Variants in RUBCNL observed in about 807,000 individuals in gnomAD.
RUBCNL encodes the protein protein associated with UVRAG as autophagy enhancer.
Under a neutral mutation model 69.5 loss-of-function variants are expected in RUBCNL, and 62 were observed. That is an observed-to-expected ratio of 0.89 (90% CI 0.73 to 1.10). RUBCNL has a LOEUF of 1.10. Ranked by LOEUF, RUBCNL falls within the 50% of genes least tolerant of loss-of-function variation. The pLI is 0.00. For missense variants in RUBCNL, 768 were observed against 798.1 expected (o/e 0.96, Z 0.45); for synonymous variants, 291 against 303.6 (o/e 0.96, Z 0.43).
chr13:46,353,760 G>C (rs987125294), intron 10 of RUBCNL, among the ~76,000 whole-genome samples: 2 of 152,250 alleles, frequency 1.3e-5, no homozygotes, highest in East Asian at 3.8e-4. Context: ...TTCTAGAACA[G>C]AGATGTCCGG....
chr13:46,367,894 A>AAGT, intron 5 of RUBCNL, 148 bp downstream of exon 5: 1 of 726,504 alleles, frequency 1.4e-6, no homozygotes, highest in Non-Finnish European at 2.3e-6. Flanking sequence ...AACAAAAAAA[A>AAGT]AGTAGTGTAT....
chr13:46,363,214 C>T lies in RUBCNL; in HGVS notation c.827-1G>A, dbSNP rs2048672637. ...GGGCTGACCTGTAACACAGCACAAC[C>T]TAGACAAAGAAAGGAAGGAGGTTTT... On this transcript the variant is annotated splice_acceptor_variant, in intron 5 of 14. Coordinates refer to ENST00000429979, the MANE Select transcript of RUBCNL (RefSeq NM_025113.5). LOFTEE classifies it high-confidence loss of function. 6.7e-7 allele frequency: 1 copy of T among 1,489,568 alleles called. No individual in the cohort carries two copies. Among genetic ancestry groups the T allele is most frequent in the Non-Finnish European group, 9.0e-7 (1 of 1,112,978 alleles). 92.3% of individuals were successfully genotyped at this position (1,489,568 alleles called of 1,614,324 possible). A position where few individuals can be genotyped will look rare whatever the true frequency, so the allele number is the denominator to read the frequency against.
rs1289772554 is a variant in RUBCNL, at chr13:46,368,233, T to G, written c.635A>C (p.Tyr212Ser). Residue 212 changes from tyrosine (Y) to serine (S), a missense_variant, in exon 5 of 15, where the codon TAT (tyrosine) becomes TCT (serine). Tyr to Ser is a moderately radical substitution (Grantham distance 144). Transcript: ENST00000429979. ...TGCTGATATAATCATATCTGCAACATAAAAGTGGGCATTTTCCTGCAGAAA... is the reference window on the plus strand; with the variant it reads ...TGCTGATATAATCATATCTGCAACAGAAAAGTGGGCATTTTCCTGCAGAAA... ...VDVEKENAHF[Y>S]VADMIISAME... The G allele has an allele frequency of 1.2e-6, 2 of 1,613,214 alleles. No individual in the cohort carries two copies. Among genetic ancestry groups the G allele is most frequent in the East Asian group, 2.2e-5 (1 of 44,868 alleles).
Position 46,345,515 on chromosome 13 carries a change from T to C in RUBCNL, c.1717A>G (p.Lys573Glu). 1 of 1,610,514 alleles carries C rather than the reference T, an allele frequency of 6.2e-7. No individual in the cohort carries two copies. The highest frequency in any genetic ancestry group is 1.1e-5 in the South Asian group (1 of 90,162). Residue 573 changes from lysine (K) to glutamate (E), a missense_variant, in exon 13 of 15, where the codon AAA becomes GAA. Transcript: ENST00000429979. ...TTGAGTAAGGGTGCCAGCAGCCCTT[T>C]CTTGATCCTGACCAGGTCCTCAAGG... ...FSLEDLVRIK[K>E]GLLAPLLKDI...
chr13:46,363,745 C>T (rs1245111919), intron 5 of RUBCNL, among the ~76,000 whole-genome samples: 5 of 151,694 alleles, frequency 3.3e-5, no homozygotes, highest in Admixed American at 2.0e-4. Context: ...CCTGTAGTCC[C>T]AGCTGCTCAA....
At chr13:46,380,966 G>C (rs1443917140) in intron 1 of RUBCNL, among the ~76,000 whole-genome samples, 8 of 152,100 alleles carry the variant, frequency 5.3e-5, no homozygotes, top group African/African-American at 1.9e-4. Flanking sequence ...TTTACCCAAA[G>C]TAAAGGTAGG....
At chr13:46,388,214 A>AAC (rs1437769649), upstream of RUBCNL, among the ~76,000 whole-genome samples, 1 of 149,138 alleles carries the variant, frequency 6.7e-6, no homozygotes, top group Non-Finnish European at 1.5e-5. Context: ...AAAAAAAAAA[A>AAC]AAAAAACAGA....
At position 46,343,289 on chromosome 13, in the gene RUBCNL, A is replaced by G. The variant is rs977135824; in HGVS notation, c.*96T>C. The G allele has an allele frequency of 6.5e-7, 1 of 1,537,684 alleles. No homozygotes were observed. Among genetic ancestry groups the G allele is most frequent in the South Asian group, 1.2e-5 (1 of 83,970 alleles). ...TAGACCATCTTTTTCCTTAATATACAATACCCAATATCTAAAACAATGTCA... is the reference window on the plus strand; with the variant it reads ...TAGACCATCTTTTTCCTTAATATACGATACCCAATATCTAAAACAATGTCA... On this transcript the variant is annotated 3_prime_UTR_variant, in exon 15 of 15. Transcript: ENST00000429979.
rs78360601 is a variant in RUBCNL, at chr13:46,346,818, A to G, written c.1632-1218T>C. On this transcript the variant is annotated intron_variant, in intron 12 of 14. Coordinates refer to ENST00000429979, the MANE Select transcript of RUBCNL (RefSeq NM_025113.5). Reference sequence around the variant, plus strand: ...AAAACTCTATAATTCCACCAAGTACAATAAACAATCTTAACTTCCTTGAGC... The same window carrying G: ...AAAACTCTATAATTCCACCAAGTACGATAAACAATCTTAACTTCCTTGAGC... Among the ~76,000 whole-genome samples, 328 of 152,352 alleles carry G rather than the reference A, an allele frequency of 2.2e-3. 5 individuals carry two copies. The highest frequency in any genetic ancestry group is 0.016 in the Admixed American group (248 of 15,302).
At chr13:46,385,419 C>A in intron 1 of RUBCNL, 1 of 194,844 alleles carries the variant, frequency 5.1e-6, no homozygotes, top group Non-Finnish European at 9.3e-6. Context: ...ACATACTTAT[C>A]CAAGAACTGC....
intron 1 of RUBCNL, chr13:46,385,385 C>T (rs373420899): frequency 2.8e-6 from 1 of 359,740 alleles, no homozygotes; most frequent in African/African-American, 2.2e-5. Context: ...AATATTACTA[C>T]ACTTATAGTC....
At chr13:46,389,705 G>A (rs1416102727), upstream of RUBCNL, 2 of 152,220 alleles carry the variant, frequency 1.3e-5, no homozygotes, top group East Asian at 1.9e-4. This position sits in a 1 kb window ranked among gnomAD's most constrained non-coding sequence, Gnocchi z 4.2. Context: ...ACAGACGCAG[G>A]AGGTTCACAT....
intron 10 of RUBCNL, among the ~76,000 whole-genome samples, chr13:46,352,290 C>T (rs2048386223): frequency 1.3e-5 from 2 of 152,222 alleles, no homozygotes; most frequent in South Asian, 4.1e-4. Context: ...CTTCTATGTG[C>T]CCCTCCCTCA....
chr13:46,351,561 G>A (rs189893066), intron 10 of RUBCNL, among the ~76,000 whole-genome samples: 1 of 152,244 alleles, frequency 6.6e-6, no homozygotes, highest in African/African-American at 2.4e-5. Context: ...TATAATGGGG[G>A]TGGCAGCCAA....
chr13:46,355,082 C>G (rs1023011179), intron 10 of RUBCNL, among the ~76,000 whole-genome samples: 1 of 152,190 alleles, frequency 6.6e-6, no homozygotes. Context: ...AAGCCCAGAT[C>G]GATTCCTGCT....
In RUBCNL at chr13:46,353,813, T is replaced by C. The variant is rs1428583145; in HGVS notation, c.1330+2619A>G. 2.6e-5 allele frequency among the ~76,000 whole-genome samples: 4 copies of C among 152,256 alleles called. No homozygotes were observed. The East Asian group carries it at 5.8e-4, about 22-fold the overall frequency. ...ATAAAAGTGTTCTATATCTGTGCTG[T>C]CCAATACAGTAGCCATGAGTTACAT... On this transcript the variant is annotated intron_variant, in intron 10 of 14. Transcript: ENST00000429979.
intron 1 of RUBCNL, among the ~76,000 whole-genome samples, chr13:46,380,135 A>G (rs904732291): frequency 1.3e-5 from 2 of 152,234 alleles, no homozygotes; most frequent in African/African-American, 4.8e-5. Context: ...ATGACCATTA[A>G]TTTTGAAGGT....
At chr13:46,356,892 C>T (rs964107469) in intron 9 of RUBCNL, among the ~76,000 whole-genome samples, 1 of 135,054 alleles carries the variant, frequency 7.4e-6, no homozygotes, top group Admixed American at 7.5e-5. Context: ...GCTTTATTTA[C>T]TTTTTTTTTT....
chr13:46,335,861 G>T lies in RUBCNL; in HGVS notation c.*7524C>A, dbSNP rs2048102154. Among the ~76,000 whole-genome samples, 1 of 152,192 alleles carries T rather than the reference G, an allele frequency of 6.6e-6. No homozygotes were observed. The highest frequency in any genetic ancestry group is 6.5e-5 in the Admixed American group (1 of 15,282). On this transcript the variant is annotated 3_prime_UTR_variant, in exon 15 of 15. Transcript: ENST00000429979. ...GTAAAGAAATACTAATACAAGCACA[G>T]CTATCAGTGGGCTGCTGAGTACCAG... is the stretch of plus-strand genomic sequence containing the variant.
Sources: allele counts gnomAD v4.1 joint callset (sites outside exome capture counted in the v4.1 genomes callset), GRCh38; gene constraint gnomAD v4.1.1; non-coding constraint Gnocchi (gnomAD v3.1); transcripts MANE v1.5; gene names NCBI Gene and HGNC (gene_info 2026-07-23, HGNC 2026-07-21).